NID1: variants seen among roughly 807,000 people sequenced by gnomAD.
The protein encoded by NID1 is nidogen 1.
In NID1, 76 loss-of-function variants were observed where a neutral mutation model predicts 130.6. The ratio of observed to expected loss-of-function variants is 0.58; its 90% CI spans 0.48 to 0.70. The LOEUF (loss-of-function observed/expected upper bound fraction) is 0.70. NID1 is among the 30% of genes least tolerant of loss of function. The pLI, the probability that NID1 is intolerant of heterozygous loss-of-function variation, is 0.00. For synonymous variants in NID1, 665 were observed against 675.1 expected (o/e 0.98, Z 0.23); for missense variants, 1,517 against 1,664.8 (o/e 0.91, Z 1.54).
At chr1:235,988,348 A>G (rs933115269) in intron 14 of NID1, among the ~76,000 whole-genome samples, 5 of 152,232 alleles carry the variant, frequency 3.3e-5, no homozygotes, top group African/African-American at 1.2e-4. Flanking sequence ...ACCCGTTACA[A>G]TGGCTATCAT....
intron 9 of NID1, among the ~76,000 whole-genome samples, chr1:236,018,754 C>T (rs1043947954): frequency 1.3e-5 from 2 of 152,246 alleles, no homozygotes; most frequent in Non-Finnish European, 2.9e-5. Context: ...CAAATTTAGA[C>T]ATGTTTTAGA....
chr1:236,029,566 G>A lies in NID1; in HGVS notation c.1722C>T (p.Tyr574=). 1 of 1,563,646 alleles carries A rather than the reference G, an allele frequency of 6.4e-7. No individual in the cohort carries two copies. Among genetic ancestry groups the A allele is most frequent in the Non-Finnish European group, 8.7e-7 (1 of 1,154,180 alleles). ...SVHIEPYTEL[Y]HYSTSVITSS... ...GGGGCTCACCTGAGGTGGAGTAGTG[G>A]TACAGCTCCGTGTAGGGCTCAATGT... Residue 574 remains tyrosine (Y), a synonymous_variant, in exon 7 of 20, where the codon TAC becomes TAT. Coordinates refer to ENST00000264187, the MANE Select transcript of NID1 (RefSeq NM_002508.3).
intron 14 of NID1, among the ~76,000 whole-genome samples, chr1:235,988,429 G>A (rs1480704020): frequency 1.3e-5 from 2 of 152,228 alleles, no homozygotes; most frequent in African/African-American, 4.8e-5. Context: ...CTCTGCTGGT[G>A]AGTAGGTAAA....
At chr1:236,064,679 GTCGGGA>G (rs1302931351) in intron 1 of NID1, 170 bp downstream of exon 1, 1 of 652,682 alleles carries the variant, frequency 1.5e-6, no homozygotes. Flanking sequence ...CAGGGACCGG[GTCGGGA>G]AGACCTTCGC....
chr1:236,026,094 G>C lies in NID1; in HGVS notation c.1786C>G (p.Arg596Gly). The C allele has an allele frequency of 6.2e-7, 1 of 1,613,474 alleles. No homozygotes were observed. Among genetic ancestry groups the C allele is most frequent in the South Asian group, 1.1e-5 (1 of 91,038 alleles). The part of the protein sequence containing the change: ...TREYTVTEPE[R>G]DGASPSRIYT... ...ATGCGTGAAGGAGATGCCCCATCTC[G>C]CTCGGGCTCAGTCACCGTGTACTCC... The change falls in exon 8 of 20, where the codon CGA (arginine) becomes GGA (glycine). Residue 596 changes from arginine to glycine, a missense_variant. Arg to Gly is a moderately radical substitution (Grantham distance 125). Transcript: ENST00000264187.
In NID1 at chr1:235,977,100, C is replaced by G. The variant is rs1313657896; in HGVS notation, c.*767G>C. 1 of 152,144 alleles carries G rather than the reference C, an allele frequency of 6.6e-6. No homozygotes were observed. The highest frequency in any genetic ancestry group is 1.5e-5 in the Non-Finnish European group (1 of 68,038). 9.4% of individuals were successfully genotyped at this position (152,144 alleles called of 1,614,324 possible). ...AAAAAAATCCCCTATTCTCAAATATCTGACCTACACCTTGAAATTCCTACC... is the reference window on the plus strand; with the variant it reads ...AAAAAAATCCCCTATTCTCAAATATGTGACCTACACCTTGAAATTCCTACC... On this transcript the variant is annotated 3_prime_UTR_variant, in exon 20 of 20. Transcript: ENST00000264187.
At chr1:235,990,801 G>A in intron 14 of NID1, 85 bp downstream of exon 14, 1 of 1,478,676 alleles carries the variant, frequency 6.8e-7, no homozygotes. Flanking sequence ...GGTTGAGCCT[G>A]GGGTTCTGGT....
intron 1 of NID1, among the ~76,000 whole-genome samples, chr1:236,054,699 T>A (rs998929610): frequency 3.3e-5 from 5 of 151,690 alleles, no homozygotes; most frequent in African/African-American, 1.2e-4. Context: ...TGGAGTGCAG[T>A]GGTGCAGTCT....
chr1:236,023,747 T>C (rs1207708226), intron 9 of NID1, among the ~76,000 whole-genome samples: 1 of 152,214 alleles, frequency 6.6e-6, no homozygotes, highest in East Asian at 1.9e-4. Context: ...GGGTAAATTA[T>C]AGCTATTGTT....
intron 2 of NID1, among the ~76,000 whole-genome samples, chr1:236,046,182 C>A (rs1261329570): frequency 6.6e-6 from 1 of 152,122 alleles, no homozygotes; most frequent in Non-Finnish European, 1.5e-5. Context: ...GTGACTTGGG[C>A]GTGATACTTG....
chr1:236,038,223 G>A lies in NID1; in HGVS notation c.1166C>T (p.Thr389Met), dbSNP rs142155830. The change falls in exon 5 of 20, where the codon ACG (threonine) becomes ATG (methionine). Residue 389 changes from threonine to methionine, a missense_variant. Thr to Met is a moderately conservative substitution (Grantham distance 81, BLOSUM62 -1). Coordinates refer to ENST00000264187, the MANE Select transcript of NID1 (RefSeq NM_002508.3). Reference sequence around the variant, plus strand: ...GCACTGGTGTCTGTTGTTAGCACACGTCTGGCGGGAATCCGTGTTATAGCT... The same window carrying A: ...GCACTGGTGTCTGTTGTTAGCACACATCTGGCGGGAATCCGTGTTATAGCT... ...VFSYNTDSRQ[T>M]CANNRHQCSV... is the part of the protein sequence containing the mutation. 742 of 1,613,252 alleles carry A rather than the reference G, an allele frequency of 4.6e-4. 5 individuals are homozygous for A. In the Middle Eastern group the frequency reaches 5.9e-3, roughly 13 times the overall value.
chr1:236,012,558 C>CAAAAAAAAAAAAAAAAAAA (rs56183830), intron 11 of NID1, among the ~76,000 whole-genome samples: 2 of 98,086 alleles, frequency 2.0e-5, no homozygotes, highest in Non-Finnish European at 2.1e-5. Context: ...AATGCCATCT[C>CAAAAAAAAAAAAAAAAAAA]AAAAAAAAAA....
intron 12 of NID1, 102 bp downstream of exon 12, chr1:236,011,819 C>G (rs112508250): frequency 7.1e-7 from 1 of 1,403,226 alleles, no homozygotes; most frequent in Non-Finnish European, 9.8e-7. Context: ...GACAGGGCAA[C>G]GGGCCATGTG....
intron 1 of NID1, among the ~76,000 whole-genome samples, chr1:236,057,629 C>T (rs754609712): frequency 1.9e-4 from 28 of 151,188 alleles, no homozygotes; most frequent in Non-Finnish European, 3.4e-4. Context: ...ACTCAGGAGG[C>T]TGAGGGTGCA....
intron 12 of NID1, among the ~76,000 whole-genome samples, chr1:236,007,024 A>AT (rs1382239937): frequency 8.6e-5 from 13 of 151,896 alleles, no homozygotes; most frequent in Admixed American, 6.6e-4. Context: ...TTTGTTTATT[A>AT]TTTTTAAATT....
At chr1:236,005,310 G>A (rs566830935) in intron 12 of NID1, among the ~76,000 whole-genome samples, 1 of 152,084 alleles carries the variant, frequency 6.6e-6, no homozygotes, top group African/African-American at 2.4e-5. Context: ...ATGCAAGAGT[G>A]TTTTGTTCTG....
intron 4 of NID1, among the ~76,000 whole-genome samples, chr1:236,040,931 C>T (rs1392221965): frequency 1.3e-5 from 2 of 152,162 alleles, no homozygotes; most frequent in East Asian, 3.9e-4. Flanking sequence ...TCCCAAAGTG[C>T]TGGGATAACA....
At chr1:236,063,184 A>C (rs1415407245) in intron 1 of NID1, among the ~76,000 whole-genome samples, 1 of 144,794 alleles carries the variant, frequency 6.9e-6, no homozygotes, top group Non-Finnish European at 1.5e-5. Context: ...AAGTAAGCAT[A>C]TATTGGGCCA....
chr1:236,045,990 C>G (rs993177246), intron 2 of NID1, among the ~76,000 whole-genome samples: 1 of 152,176 alleles, frequency 6.6e-6, no homozygotes, highest in South Asian at 2.1e-4. Flanking sequence ...TAAAATCTCA[C>G]GCAGTTTAGG....
Sources: allele counts gnomAD v4.1 joint callset (sites outside exome capture counted in the v4.1 genomes callset), GRCh38; gene constraint gnomAD v4.1.1; transcripts MANE v1.5; gene names NCBI Gene and HGNC (gene_info 2026-07-23, HGNC 2026-07-21).